Variants in NRG1 observed in about 807,000 individuals in gnomAD.
The protein encoded by NRG1 is pro-neuregulin-1, membrane-bound isoform.
A neutral mutation model predicts 63.8 loss-of-function variants in NRG1; 18 were observed. The observed-to-expected ratio is 0.28, with a 90% CI of 0.19 to 0.42. The LOEUF (loss-of-function observed/expected upper bound fraction) is 0.42, where lower values mean the gene tolerates loss of function less well. Ranked by LOEUF, NRG1 falls within the 10% of genes least tolerant of loss-of-function variation. The pLI is 1.00. For missense variants in NRG1, 762 were observed against 814.7 expected (o/e 0.94, Z 0.79); for synonymous variants, 302 against 301.3 (o/e 1.00, Z -0.02).
At chr8:31,960,870 A>G (rs992541092) in intron 1 of NRG1, among the ~76,000 whole-genome samples, 1 of 152,240 alleles carries the variant, frequency 6.6e-6, no homozygotes, top group African/African-American at 2.4e-5. Context: ...AACCATAACA[A>G]AAGGGTTGTT....
At chr8:31,770,914 A>G (rs916347743) in intron 1 of NRG1, among the ~76,000 whole-genome samples, 5 of 152,058 alleles carry the variant, frequency 3.3e-5, no homozygotes, top group Non-Finnish European at 7.4e-5. Flanking sequence ...TGGAAAGCAT[A>G]TAACGTAATC....
At chr8:32,572,716 G>T (rs117624519) in intron 1 of NRG1, among the ~76,000 whole-genome samples, 2,189 of 152,176 alleles carry the variant, frequency 0.014, 25 homozygotes, top group Middle Eastern at 0.044. Flanking sequence ...CCAAGTGGTT[G>T]AGACATTCCA....
At chr8:32,769,352 T>C (rs1009940912), downstream of NRG1, among the ~76,000 whole-genome samples, 3 of 152,186 alleles carry the variant, frequency 2.0e-5, no homozygotes, top group African/African-American at 2.4e-5. Context: ...TCTGGATAAT[T>C]ACTATAATTC....
chr8:32,105,650 A>G (rs1831169385), intron 1 of NRG1, among the ~76,000 whole-genome samples: 1 of 152,050 alleles, frequency 6.6e-6, no homozygotes, highest in Non-Finnish European at 1.5e-5. Context: ...AAATCCCTTG[A>G]GTATCTTATG....
intron 1 of NRG1, among the ~76,000 whole-genome samples, chr8:31,815,822 A>AT (rs898150063): frequency 1.2e-4 from 18 of 150,058 alleles, no homozygotes; most frequent in South Asian, 2.1e-4. Context: ...CCAGCCTAGT[A>AT]TTTTTTTTTC....
chr8:32,215,755 G>GTAGT (rs1845155933), intron 1 of NRG1, among the ~76,000 whole-genome samples: 1 of 152,148 alleles, frequency 6.6e-6, no homozygotes, highest in Admixed American at 6.5e-5. Flanking sequence ...GAAAACATTG[G>GTAGT]TAGTTGCAGG....
At chr8:32,282,343 C>A (rs1232657371) in intron 1 of NRG1, among the ~76,000 whole-genome samples, 1 of 152,306 alleles carries the variant, frequency 6.6e-6, no homozygotes, top group Admixed American at 6.5e-5. Context: ...TATCATTTCC[C>A]TCTCAAATCC....
At chr8:32,126,919 A>T (rs1377522338) in intron 1 of NRG1, among the ~76,000 whole-genome samples, 1 of 151,860 alleles carries the variant, frequency 6.6e-6, no homozygotes, top group Admixed American at 6.6e-5. Flanking sequence ...TCTAAGGAAG[A>T]TATGGACTAT....
chr8:32,043,916 A>C (rs935403279), intron 1 of NRG1, among the ~76,000 whole-genome samples: 3 of 151,916 alleles, frequency 2.0e-5, no homozygotes, highest in African/African-American at 7.2e-5. Context: ...CCAGCAGAAA[A>C]CAAATAATGA....
rs369826756 is a variant in NRG1, at chr8:31,640,668, C to G, written c.37+1237C>G. 52 of 1,607,978 alleles carry G rather than the reference C, an allele frequency of 3.2e-5. No individual in the cohort carries two copies. Among genetic ancestry groups the G allele is most frequent in the Admixed American group, 2.5e-4 (15 of 59,664 alleles). On this transcript the variant is annotated intron_variant, in intron 1 of 10. Coordinates refer to the NRG1 transcript ENST00000519301. This position sits in a 1 kb window ranked among gnomAD's most constrained non-coding sequence, Gnocchi z 6.3. ...CGGCCGCCTTCCGAGCCTCTTTCCCCCCTCTGGAGACGGGCCGGAACCTCA... is the reference window on the plus strand; with the variant it reads ...CGGCCGCCTTCCGAGCCTCTTTCCCGCCTCTGGAGACGGGCCGGAACCTCA...
At chr8:32,468,431 C>T (rs899996793) in intron 1 of NRG1, among the ~76,000 whole-genome samples, 1 of 152,108 alleles carries the variant, frequency 6.6e-6, no homozygotes, top group Non-Finnish European at 1.5e-5. Context: ...TACTTCAAAC[C>T]CTTTAATTTA....
chr8:32,407,335 C>A (rs1270704714), intron 1 of NRG1, among the ~76,000 whole-genome samples: 8 of 104,310 alleles, frequency 7.7e-5, no homozygotes, highest in Admixed American at 2.1e-4. Flanking sequence ...ATATATATGG[C>A]CAACCATATA....
chr8:31,744,798 C>A (rs1815681827), intron 1 of NRG1, among the ~76,000 whole-genome samples: 1 of 151,862 alleles, frequency 6.6e-6, no homozygotes, highest in Admixed American at 6.6e-5. Context: ...TGGTATTTTC[C>A]TTGTAAAACA....
Position 32,742,860 on chromosome 8 carries a change from C to T in NRG1, c.691+127C>T. 6.3e-7 allele frequency: 1 copy of T among 1,578,164 alleles called. No homozygotes were observed. Among genetic ancestry groups the T allele is most frequent in the Non-Finnish European group, 8.6e-7 (1 of 1,158,334 alleles). On this transcript the variant is annotated intron_variant, in intron 7 of 11. Transcript: ENST00000356819. The surrounding 1 kb of genome is among the most constrained non-coding windows in gnomAD (Gnocchi z 4.2). ...TGTGTCTTACCAGATCTAATATTGACTGCCTCTGCCTGTCGCATGAGAACA... is the reference window on the plus strand; with the variant it reads ...TGTGTCTTACCAGATCTAATATTGATTGCCTCTGCCTGTCGCATGAGAACA...
intron 1 of NRG1, among the ~76,000 whole-genome samples, chr8:32,424,312 C>A (rs1817071299): frequency 6.6e-6 from 1 of 152,100 alleles, no homozygotes; most frequent in South Asian, 2.1e-4. Flanking sequence ...AAAGCACTCA[C>A]CCTGGGCCTC....
chr8:32,549,177 T>A (rs962364319), intron 1 of NRG1, among the ~76,000 whole-genome samples: 3 of 152,224 alleles, frequency 2.0e-5, no homozygotes, highest in Admixed American at 2.0e-4. Flanking sequence ...GAGTCGAGGC[T>A]GCGTGCGCGC....
At chr8:32,682,104 T>C (rs910206462) in intron 5 of NRG1, among the ~76,000 whole-genome samples, 17 of 152,184 alleles carry the variant, frequency 1.1e-4, no homozygotes, top group African/African-American at 4.1e-4. Flanking sequence ...ACAGGTAAAA[T>C]GTGTTATGAG....
At chr8:32,477,210 A>G (rs1824634974) in intron 1 of NRG1, among the ~76,000 whole-genome samples, 1 of 152,350 alleles carries the variant, frequency 6.6e-6, no homozygotes, top group East Asian at 1.9e-4. Context: ...AGGAAAGAAC[A>G]AAGCCATCAA....
At chr8:31,814,987 C>T (rs1010120935) in intron 1 of NRG1, among the ~76,000 whole-genome samples, 1 of 152,144 alleles carries the variant, frequency 6.6e-6, no homozygotes, top group Non-Finnish European at 1.5e-5. Flanking sequence ...GGAGGATCCA[C>T]ACCCTGTCCT....
Sources: allele counts gnomAD v4.1 joint callset (sites outside exome capture counted in the v4.1 genomes callset), GRCh38; gene constraint gnomAD v4.1.1; non-coding constraint Gnocchi (gnomAD v3.1); transcripts MANE v1.5; gene names NCBI Gene and HGNC (gene_info 2026-07-23, HGNC 2026-07-21).